Variants in FGF10 observed in about 807,000 individuals in gnomAD.
FGF10 encodes the protein FGF-10.
In FGF10, 2 loss-of-function variants were observed where a neutral mutation model predicts 19.8. The observed-to-expected ratio is 0.10, with a 90% CI of 0.04 to 0.32. The LOEUF (loss-of-function observed/expected upper bound fraction) is 0.32, where lower values mean the gene tolerates loss of function less well. Among genes scored for constraint, FGF10 ranks in the 10% least tolerant of loss-of-function variants. The probability of loss-of-function intolerance (pLI) is 1.00; values close to 1 mark genes in which losing one functional copy is unlikely to be tolerated. For missense variants in FGF10, 191 were observed against 246.3 expected (o/e 0.78, Z 1.50); for synonymous variants, 112 against 94.0 (o/e 1.19, Z -1.10).
chr5:44,348,195 T>C (rs143259623), intron 1 of FGF10, among the ~76,000 whole-genome samples: 18 of 151,790 alleles, frequency 1.2e-4, no homozygotes, highest in African/African-American at 4.1e-4. Context: ...GTCTCATATG[T>C]TCTGAAAAGT....
chr5:44,352,682 T>A (rs1309694078), intron 1 of FGF10, among the ~76,000 whole-genome samples: 1 of 151,602 alleles, frequency 6.6e-6, no homozygotes, highest in Non-Finnish European at 1.5e-5. Context: ...ATTTTCCAGG[T>A]ACATTTGATT....
chr5:44,333,529 C>T (rs1371733010), intron 1 of FGF10, among the ~76,000 whole-genome samples: 3 of 152,068 alleles, frequency 2.0e-5, no homozygotes, highest in African/African-American at 7.2e-5. Flanking sequence ...TGTCCTTGAC[C>T]CTATGCTAAG....
rs189458503 is a variant in FGF10, at chr5:44,301,995, C to A, written c.*3000G>T. The stretch of plus-strand genomic sequence containing the variant: ...TTCTCAGAACCAAAACTCAAATGGA[C>A]ACATATTTGTGGCTGATGCACTTTA... On this transcript the variant is annotated 3_prime_UTR_variant, in exon 3 of 3. Coordinates refer to ENST00000264664, the MANE Select transcript of FGF10 (RefSeq NM_004465.2). Among the ~76,000 whole-genome samples, 2 of 151,846 alleles carry A rather than the reference C, an allele frequency of 1.3e-5. No homozygotes were observed. Among genetic ancestry groups the A allele is most frequent in the African/African-American group, 4.8e-5 (2 of 41,346 alleles).
chr5:44,365,071 T>G (rs918212308), intron 1 of FGF10, among the ~76,000 whole-genome samples: 9 of 151,928 alleles, frequency 5.9e-5, no homozygotes, highest in Admixed American at 2.6e-4. Context: ...TAGTTATTAC[T>G]GTAAAATGTC....
At chr5:44,330,595 G>A (rs983870805) in intron 1 of FGF10, among the ~76,000 whole-genome samples, 7 of 152,024 alleles carry the variant, frequency 4.6e-5, no homozygotes, top group African/African-American at 1.4e-4. Flanking sequence ...TATAATGAGG[G>A]GAAAACAGAG....
At chr5:44,362,683 G>T (rs1741519559) in intron 1 of FGF10, among the ~76,000 whole-genome samples, 1 of 151,596 alleles carries the variant, frequency 6.6e-6, no homozygotes, top group Non-Finnish European at 1.5e-5. Flanking sequence ...TGCCCTTATA[G>T]ATGCTGCTTC....
intron 1 of FGF10, among the ~76,000 whole-genome samples, chr5:44,365,777 G>C (rs757843751): frequency 4.6e-5 from 7 of 151,994 alleles, no homozygotes; most frequent in African/African-American, 7.2e-5. Context: ...AATGCACATG[G>C]TTAGAAGGGG....
chr5:44,343,493 T>C (rs1239437111), intron 1 of FGF10, among the ~76,000 whole-genome samples: 1 of 151,800 alleles, frequency 6.6e-6, no homozygotes, highest in Non-Finnish European at 1.5e-5. Context: ...TGTTTCATGC[T>C]ATGTTGAGGG....
chr5:44,318,225 C>T (rs1247914106), intron 1 of FGF10, among the ~76,000 whole-genome samples: 1 of 152,048 alleles, frequency 6.6e-6, no homozygotes, highest in Non-Finnish European at 1.5e-5. Flanking sequence ...GAAGCCTGAA[C>T]GATTACGTTA....
intron 1 of FGF10, among the ~76,000 whole-genome samples, chr5:44,376,122 A>G (rs1741850313): frequency 6.6e-6 from 1 of 152,102 alleles, no homozygotes; most frequent in Non-Finnish European, 1.5e-5. Context: ...GTTAGGTCCT[A>G]TATTTAATAC....
At chr5:44,375,531 C>T (rs1741833057) in intron 1 of FGF10, among the ~76,000 whole-genome samples, 1 of 151,928 alleles carries the variant, frequency 6.6e-6, no homozygotes, top group Non-Finnish European at 1.5e-5. Context: ...ACAAACGAGG[C>T]CAGGGAGTTG....
intron 2 of FGF10, among the ~76,000 whole-genome samples, chr5:44,307,181 G>A (rs1337162935): frequency 6.6e-6 from 1 of 152,130 alleles, no homozygotes; most frequent in Non-Finnish European, 1.5e-5. Flanking sequence ...ACATGTATCA[G>A]CCTTTTTATT....
intron 1 of FGF10, among the ~76,000 whole-genome samples, chr5:44,383,609 G>A (rs1382568502): frequency 6.6e-6 from 1 of 152,054 alleles, no homozygotes; most frequent in African/African-American, 2.4e-5. Context: ...TTATGAAGAG[G>A]AAACTCTCTT....
intron 1 of FGF10, among the ~76,000 whole-genome samples, chr5:44,373,624 A>G (rs934387007): frequency 1.3e-5 from 2 of 152,080 alleles, no homozygotes; most frequent in Non-Finnish European, 2.9e-5. Context: ...CTAGTTTTCA[A>G]TAACATATTC....
chr5:44,343,280 A>G (rs1419586161), intron 1 of FGF10, among the ~76,000 whole-genome samples: 1 of 152,078 alleles, frequency 6.6e-6, no homozygotes, highest in Admixed American at 6.6e-5. Flanking sequence ...CATTACAATC[A>G]TAACTTATCT....
Position 44,302,278 on chromosome 5 carries a change from C to CCTTT in FGF10, c.*2716_*2717insAAAG, listed in dbSNP as rs1739981183. 1.6e-5 allele frequency among the ~76,000 whole-genome samples: 2 copies of CCTTT among 125,498 alleles called. No individual in the cohort carries two copies. The highest frequency in any genetic ancestry group is 3.2e-5 in the Non-Finnish European group (2 of 61,834). 82.3% of individuals were successfully genotyped at this position (125,498 alleles called of 152,430 possible). ...CCCTTCTTTCCTTCCTTCCTTCTTT[C>CCTTT]CTTGCTTCCTTCCTTCCTTCCTTCC... On this transcript the variant is annotated 3_prime_UTR_variant, in exon 3 of 3. Transcript: ENST00000264664.
At chr5:44,379,173 G>T (rs1268738773) in intron 1 of FGF10, among the ~76,000 whole-genome samples, 1 of 152,122 alleles carries the variant, frequency 6.6e-6, no homozygotes, top group Non-Finnish European at 1.5e-5. Context: ...CACTGTACTT[G>T]TGTCATTGAT....
intron 1 of FGF10, among the ~76,000 whole-genome samples, chr5:44,349,106 A>C (rs1161465872): frequency 6.6e-6 from 1 of 151,300 alleles, no homozygotes; most frequent in Non-Finnish European, 1.5e-5. Context: ...ATTTAAGATT[A>C]AATTAAAGTT....
chr5:44,360,656 T>C (rs998197078), intron 1 of FGF10, among the ~76,000 whole-genome samples: 5 of 151,672 alleles, frequency 3.3e-5, no homozygotes, highest in Non-Finnish European at 7.4e-5. Flanking sequence ...CTTATCAGAA[T>C]ACTAGCTGTC....
Sources: allele counts gnomAD v4.1 joint callset (sites outside exome capture counted in the v4.1 genomes callset), GRCh38; gene constraint gnomAD v4.1.1; transcripts MANE v1.5; gene names NCBI Gene and HGNC (gene_info 2026-07-23, HGNC 2026-07-21).